The following CCT2 variants were observed in gnomAD, a reference collection of about 807,000 sequenced individuals.
The protein encoded by CCT2 is T-complex protein 1 subunit beta.
A neutral mutation model predicts 61.8 loss-of-function variants in CCT2; 18 were observed. That is an observed-to-expected ratio of 0.29 (90% confidence interval 0.20 to 0.43). The LOEUF (loss-of-function observed/expected upper bound fraction) is 0.43. CCT2 is among the 20% of genes least tolerant of loss of function. CCT2 has a pLI of 1.00. For missense variants in CCT2, 556 were observed against 656.9 expected, an observed-to-expected ratio of 0.85 and a Z score of 1.68; for synonymous variants, 248 against 215.9, an observed-to-expected ratio of 1.15 and a Z score of -1.30.
At chr12:69,585,882 A>G (rs2135847773) in intron 1 of CCT2, 3 of 1,289,452 alleles carry the variant, frequency 2.3e-6, no homozygotes, top group Non-Finnish European at 3.0e-6. Context: ...CAGAGGGTGG[A>G]GGGGCCGCAG....
intron 15 of CCT2, 58 bp from the exon 16 acceptor site, chr12:69,601,237 C>A: frequency 1.5e-6 from 2 of 1,364,030 alleles, no homozygotes; most frequent in Non-Finnish European, 2.0e-6. Context: ...TAGTATAATA[C>A]TTTGGATAAA....
chr12:69,597,186 C>G lies in CCT2; in HGVS notation c.1013C>G (p.Pro338Arg). The change falls in exon 11 of 16, where the codon CCA becomes CGA. Residue 338 changes from proline (P) to arginine (R), a missense_variant. By Grantham distance (103) the Pro-to-Arg change is moderately radical. This residue lies in a region of CCT2 where 225 missense variants were observed against 249.8 expected (regional missense o/e 0.90). Transcript: ENST00000299300. ...GGEIASTFDH[P>R]ELVKLGSCKL... ...GAAATTGCCTCTACCTTTGATCACC[C>G]AGAACTGGTGAAGCTTGGAAGTTGC... 1 of 1,613,646 alleles carries G rather than the reference C, an allele frequency of 6.2e-7. No individual in the cohort carries two copies. Among genetic ancestry groups the G allele is most frequent in the Non-Finnish European group, 8.5e-7 (1 of 1,179,626 alleles).
rs1319823882 is a variant in CCT2 at position 69,601,438 on chromosome 12, A to T, written c.*113A>T. ...TTTATCGGTGCCCATTATATCCTTA[A>T]GTTTGGATATTTAGCTGACCTTCGC... is the stretch of plus-strand genomic sequence containing the variant. On this transcript the variant is annotated 3_prime_UTR_variant, in exon 16 of 16. Coordinates refer to ENST00000299300, the MANE Select transcript of CCT2 (RefSeq NM_006431.3). 5 of 1,595,090 alleles carry T rather than the reference A, an allele frequency of 3.1e-6. No individual in the cohort carries two copies. In the Admixed American group the frequency reaches 5.4e-5, roughly 17 times the overall value.
Position 69,593,120 on chromosome 12 carries a change from A to C in CCT2, c.878+17A>C. On this transcript the variant is annotated intron_variant, in intron 9 of 15. Transcript: ENST00000299300. ...TATTAACAGGTCTGTGTTTGCTTTT[A>C]AGAAAGGATTTTTTTCCATGAAAGT... 1.3e-6 allele frequency: 2 copies of C among 1,598,556 alleles called. No homozygotes were observed. The highest frequency in any genetic ancestry group is 1.7e-6 in the Non-Finnish European group (2 of 1,173,104).
chr12:69,600,612 C>T (rs1296104184), intron 15 of CCT2, among the ~76,000 whole-genome samples: 1 of 152,040 alleles, frequency 6.6e-6, no homozygotes, highest in Non-Finnish European at 1.5e-5. Context: ...AGATCAGTGC[C>T]CTGTGACAGC....
intron 1 of CCT2, chr12:69,585,857 C>T: frequency 1.5e-6 from 2 of 1,308,758 alleles, no homozygotes; most frequent in African/African-American, 1.5e-5. Flanking sequence ...CCTGGAGCGA[C>T]GGGGTCTGAG....
At chr12:69,597,837 A>G (rs2135859389) in intron 12 of CCT2, 71 bp downstream of exon 12, 3 of 1,478,488 alleles carry the variant, frequency 2.0e-6, no homozygotes, top group Non-Finnish European at 2.8e-6. Flanking sequence ...AGTGGTTTTA[A>G]TGGTTCTTAC....
At chr12:69,586,214 TGTATGTGTTAGA>T in intron 1 of CCT2, 44 bp from the exon 2 acceptor site, 3 of 1,309,906 alleles carry the variant, frequency 2.3e-6, no homozygotes, top group Non-Finnish European at 3.3e-6. Context: ...GGCACCTCAG[TGTATGTGTTAGA>T]GTATTGGTAC....
In CCT2 at chr12:69,586,807, C is replaced by G; in HGVS notation, c.133C>G (p.Pro45Ala). The G allele has an allele frequency of 6.3e-7, 1 of 1,586,832 alleles. No homozygotes were observed. The highest frequency in any genetic ancestry group is 8.6e-7 in the Non-Finnish European group (1 of 1,167,498). ...IGDLVKSTLG[P>A]KGMDKILLSS... ...AGACTTGGTAAAGAGCACCTTGGGACCCAAAGGCATGGTAAGAAAAATAGA... is the reference window on the plus strand; with the variant it reads ...AGACTTGGTAAAGAGCACCTTGGGAGCCAAAGGCATGGTAAGAAAAATAGA... Residue 45 changes from proline (P) to alanine (A), a missense_variant, in exon 3 of 16, where the codon CCC becomes GCC. Coordinates refer to ENST00000299300, the MANE Select transcript of CCT2 (RefSeq NM_006431.3).
In CCT2 at chr12:69,586,319, A is replaced by C; in HGVS notation, c.53A>C (p.Glu18Ala). The change falls in exon 2 of 16, where the codon GAA becomes GCA. Residue 18 changes from glutamate (E) to alanine (A), a missense_variant. Physicochemically the swap from Glu to Ala is moderately radical, Grantham distance 107. Transcript: ENST00000299300. Reference sequence around the variant, plus strand: ...AACATCTTTAAGGCAGGAGCTGATGAAGAGAGAGCAGAGACAGCTCGTCTG... The same window carrying C: ...AACATCTTTAAGGCAGGAGCTGATGCAGAGAGAGCAGAGACAGCTCGTCTG... ...PVNIFKAGAD[E>A]ERAETARLTS... 6.2e-7 allele frequency: 1 copy of C among 1,613,268 alleles called. No homozygotes were observed.
At chr12:69,600,209 G>C (rs1223282404) in intron 15 of CCT2, among the ~76,000 whole-genome samples, 1 of 152,212 alleles carries the variant, frequency 6.6e-6, no homozygotes, top group African/African-American at 2.4e-5. Context: ...GTAGCTCTTA[G>C]GATTGAAAAG....
chr12:69,587,042 T>C (rs539261207), intron 3 of CCT2: 1 of 425,740 alleles, frequency 2.3e-6, no homozygotes, highest in Non-Finnish European at 4.1e-6. Context: ...CATCTTCTAA[T>C]ATTCTGTTTA....
chr12:69,592,017 T>C, intron 7 of CCT2, 42 bp from the exon 8 acceptor site: 1 of 1,099,614 alleles, frequency 9.1e-7, no homozygotes, highest in South Asian at 1.3e-5. Context: ...CTAAGGCTGC[T>C]TTGAAGTATT....
chr12:69,594,982 C>G (rs1307841928), intron 10 of CCT2, among the ~76,000 whole-genome samples: 1 of 152,052 alleles, frequency 6.6e-6, no homozygotes, highest in Non-Finnish European at 1.5e-5. Context: ...ACTCTAAGCC[C>G]TGGAAAATAA....
At chr12:69,595,365 TATGTA>T (rs1881955909) in intron 10 of CCT2, among the ~76,000 whole-genome samples, 1 of 152,188 alleles carries the variant, frequency 6.6e-6, no homozygotes, top group Non-Finnish European at 1.5e-5. Flanking sequence ...TGCTCATGTT[TATGTA>T]ATTCATTCTT....
At chr12:69,600,096 A>G (rs1882108025) in intron 15 of CCT2, 92 bp downstream of exon 15, 12 of 1,208,702 alleles carry the variant, frequency 9.9e-6, no homozygotes, top group Non-Finnish European at 1.2e-5. Context: ...TGAAAAGCAG[A>G]GACAGTTTTG....
chr12:69,596,224 A>C lies in CCT2; in HGVS notation c.983-932A>C, dbSNP rs1881985482. On this transcript the variant is annotated intron_variant, in intron 10 of 15. Transcript: ENST00000299300. ...CTCAGAATTTTGCCAGCCAAAAGTA[A>C]AAAGAACTTTATACAAATTATGAGT... is the stretch of plus-strand genomic sequence containing the variant. Among the ~76,000 whole-genome samples, 3 of 149,246 alleles carry C rather than the reference A, an allele frequency of 2.0e-5. 1 individual carries two copies. The Admixed American group carries it at 2.0e-4, about 10-fold the overall frequency.
intron 10 of CCT2, among the ~76,000 whole-genome samples, chr12:69,595,933 A>G (rs145489678): frequency 6.6e-6 from 1 of 152,266 alleles, no homozygotes; most frequent in East Asian, 1.9e-4. Context: ...TGCACTGGGC[A>G]TGGTGGCATG....
intron 10 of CCT2, 84 bp from the exon 11 acceptor site, chr12:69,597,072 T>A: frequency 1.6e-6 from 2 of 1,251,702 alleles, no homozygotes; most frequent in South Asian, 2.7e-5. Flanking sequence ...ACATTACCTA[T>A]CATTATCTAT....
Sources: allele counts gnomAD v4.1 joint callset (sites outside exome capture counted in the v4.1 genomes callset), GRCh38; gene constraint gnomAD v4.1.1; regional missense constraint gnomAD v4.1.1; transcripts MANE v1.5; gene names NCBI Gene and HGNC (gene_info 2026-07-23, HGNC 2026-07-21).